ABCC5: variants seen among roughly 807,000 people sequenced by gnomAD.
The protein encoded by ABCC5 is ATP-binding cassette sub-family C member 5.
Under a neutral mutation model 160.9 loss-of-function variants are expected in ABCC5, and 61 were observed. The ratio of observed to expected loss-of-function variants is 0.38; its 90% CI spans 0.31 to 0.47. The LOEUF (loss-of-function observed/expected upper bound fraction) is 0.47, where lower values mean the gene tolerates loss of function less well. ABCC5 is among the 20% of genes least tolerant of loss of function. The pLI, the probability that ABCC5 is intolerant of heterozygous loss-of-function variation, is 0.99. For synonymous variants in ABCC5, 666 were observed against 700.6 expected (o/e 0.95, Z 0.78); for missense variants, 1,308 against 1,813.3 (o/e 0.72, Z 5.06).
chr3:183,923,507 C>T (rs1712212070), intron 29 of ABCC5, among the ~76,000 whole-genome samples: 1 of 152,100 alleles, frequency 6.6e-6, no homozygotes, highest in Non-Finnish European at 1.5e-5. Context: ...CCTGTACTCC[C>T]AGCTGCTCAG....
In ABCC5 at chr3:183,961,514, A is replaced by C. The variant is rs759107102; in HGVS notation, c.2376T>G (p.Val792=). 6.2e-7 allele frequency: 1 copy of C among 1,614,094 alleles called. No homozygotes were observed. Among genetic ancestry groups the C allele is most frequent in the Non-Finnish European group, 8.5e-7 (1 of 1,179,970 alleles). Reference sequence around the variant, plus strand: ...CGCAAACACCATCAGATCTTACCTCAACTGGCGGTGTCTCTCCCAGCAACA... The same window carrying C: ...CGCAAACACCATCAGATCTTACCTCCACTGGCGGTGTCTCTCCCAGCAACA... ...NNLLLGETPP[V]EINSKKETSG... The change falls in exon 16 of 30, where the codon GTT becomes GTG. Residue 792 remains valine (V), a synonymous_variant. Coordinates refer to ENST00000334444, the MANE Select transcript of ABCC5 (RefSeq NM_005688.4).
Position 183,963,518 on chromosome 3 carries a change from C to A in ABCC5, c.2102G>T (p.Ser701Ile). Residue 701 changes from serine (S) to isoleucine (I), a missense_variant, in exon 15 of 30, where the codon AGT becomes ATT. By Grantham distance (142) the Ser-to-Ile change is moderately radical. This residue lies in a region of ABCC5 where 1,142 missense variants were observed against 1,527.1 expected (regional missense o/e 0.75). Transcript: ENST00000334444. This position sits in a 1 kb window ranked among gnomAD's most constrained non-coding sequence, Gnocchi z 4.6. The part of the protein sequence containing the change: ...QRISLARALY[S>I]DRSIYILDDP... ...GTCCAGGATGTAGATGCTCCTGTCA[C>A]TATACAAGGCCCGGGCAAGGCTGAT... The A allele has an allele frequency of 6.2e-7, 1 of 1,614,236 alleles. No homozygotes were observed.
At chr3:184,005,646 G>T (rs920513677) in intron 2 of ABCC5, among the ~76,000 whole-genome samples, 1 of 137,826 alleles carries the variant, frequency 7.3e-6, no homozygotes, top group Non-Finnish European at 1.6e-5. Flanking sequence ...AACAGGGAGG[G>T]GGGAGGGATA....
At position 183,951,384 on chromosome 3, in the gene ABCC5, G is replaced by A; in HGVS notation, c.2944+57C>T. 6.3e-7 allele frequency: 1 copy of A among 1,593,422 alleles called. No homozygotes were observed. The highest frequency in any genetic ancestry group is 8.5e-7 in the Non-Finnish European group (1 of 1,169,804). ...ATCTGCACATTTGGAGAATCATCTAGAAGGCTGGAAGCACAGTGAGCTCCA... is the reference window on the plus strand; with the variant it reads ...ATCTGCACATTTGGAGAATCATCTAAAAGGCTGGAAGCACAGTGAGCTCCA... On this transcript the variant is annotated intron_variant, in intron 20 of 29. Transcript: ENST00000334444. This position sits in a 1 kb window ranked among gnomAD's most constrained non-coding sequence, Gnocchi z 4.7.
In ABCC5 at chr3:183,944,891, A is replaced by G. The variant is rs78266603; in HGVS notation, c.3504+959T>C. Among the ~76,000 whole-genome samples, 136 of 152,300 alleles carry G rather than the reference A, an allele frequency of 8.9e-4. 1 individual carries two copies. Among genetic ancestry groups the G allele is most frequent in the Middle Eastern group, 3.4e-3 (1 of 294 alleles). ...CCACCCAAATCTCATCTCGAATTGT[A>G]TAATAATCCCCATGTGTGAGGGGAG... On this transcript the variant is annotated intron_variant, in intron 24 of 29. Transcript: ENST00000334444.
In ABCC5 at chr3:183,991,787, G is replaced by A. The variant is rs143451420; in HGVS notation, c.130-2404C>T. Among the ~76,000 whole-genome samples, 561 of 152,268 alleles carry A rather than the reference G, an allele frequency of 3.7e-3. 2 individuals carry two copies. Among genetic ancestry groups the A allele is most frequent in the Middle Eastern group, 0.02 (6 of 294 alleles). ...ACTACGGCACTTGATAATGAGCTGA[G>A]GACTGCTGAGATTTAAGTACATTAC... On this transcript the variant is annotated intron_variant, in intron 2 of 29. Transcript: ENST00000334444.
intron 2 of ABCC5, among the ~76,000 whole-genome samples, chr3:183,998,681 C>A (rs73181521): frequency 6.6e-6 from 1 of 151,574 alleles, no homozygotes. Flanking sequence ...TCAAAAAAAA[C>A]AAAAAAACAA....
rs1430101147 is a variant in ABCC5, at chr3:183,977,745, C to T, written c.1297-121G>A. On this transcript the variant is annotated intron_variant, in intron 9 of 29. Coordinates refer to ENST00000334444, the MANE Select transcript of ABCC5 (RefSeq NM_005688.4). ...GCAACTTCACGGTCAGCTGTTATTACAAGTCAATTACATTTTTTTTTTTTT... is the reference window on the plus strand; with the variant it reads ...GCAACTTCACGGTCAGCTGTTATTATAAGTCAATTACATTTTTTTTTTTTT... 1.2e-5 allele frequency: 8 copies of T among 644,816 alleles called. No homozygotes were observed. The Middle Eastern group carries it at 1.5e-3, about 122-fold the overall frequency. 39.9% of individuals were successfully genotyped at this position (644,816 alleles called of 1,614,324 possible). A position where few individuals can be genotyped will look rare whatever the true frequency, so the allele number is the denominator to read the frequency against.
At chr3:183,986,151 G>A (rs557470219) in intron 5 of ABCC5, 2 of 152,284 alleles carry the variant, frequency 1.3e-5, no homozygotes, top group East Asian at 3.9e-4. Flanking sequence ...AAACCAGCCT[G>A]GTTTTTCAAT....
intron 24 of ABCC5, 91 bp downstream of exon 24, chr3:183,945,759 G>C: frequency 1.0e-6 from 1 of 981,246 alleles, no homozygotes; most frequent in South Asian, 1.3e-5. Context: ...GAGAACACAA[G>C]CCTCCTCCTT....
chr3:184,006,387 G>A (rs1185083369), intron 2 of ABCC5: 1 of 151,084 alleles, frequency 6.6e-6, no homozygotes, highest in African/African-American at 2.4e-5. Context: ...TCAATCAAGA[G>A]AAAAATAATG....
chr3:183,981,966 A>AT (rs1443657651), intron 7 of ABCC5, 92 bp from the exon 8 acceptor site: 3 of 1,429,160 alleles, frequency 2.1e-6, no homozygotes, highest in Admixed American at 2.7e-5. Flanking sequence ...TAAAATGAGC[A>AT]TATAATCCTG....
chr3:183,992,091 A>G (rs1719817543), intron 2 of ABCC5, among the ~76,000 whole-genome samples: 1 of 152,248 alleles, frequency 6.6e-6, no homozygotes, highest in Non-Finnish European at 1.5e-5. Context: ...ACAAATCTCA[A>G]GACTGACATC....
intron 2 of ABCC5, among the ~76,000 whole-genome samples, chr3:184,008,432 C>T (rs1471887766): frequency 6.6e-6 from 1 of 152,182 alleles, no homozygotes; most frequent in Non-Finnish European, 1.5e-5. Flanking sequence ...TGAAGTAACG[C>T]CAGCCTAATG....
intron 26 of ABCC5, among the ~76,000 whole-genome samples, chr3:183,935,730 G>A (rs59698559): frequency 8.6e-4 from 130 of 152,022 alleles, no homozygotes; most frequent in African/African-American, 2.9e-3. Context: ...TCGAACTCCT[G>A]ACCTCAGGTG....
chr3:183,929,333 T>C (rs1322195484), intron 26 of ABCC5, among the ~76,000 whole-genome samples: 1 of 152,142 alleles, frequency 6.6e-6, no homozygotes, highest in African/African-American at 2.4e-5. Flanking sequence ...CTCAGAAAGC[T>C]GAGGCAGGAG....
rs186883295 is a variant in ABCC5, at chr3:183,935,426, C to T, written c.3854+2475G>A. ...GGTACTCCTGACCTCGTGATCCGCC[C>T]GCCTCAGCCTCCCAAAGTGCTGGGA... is the stretch of plus-strand genomic sequence containing the variant. On this transcript the variant is annotated intron_variant, in intron 26 of 29. Coordinates refer to ENST00000334444, the MANE Select transcript of ABCC5 (RefSeq NM_005688.4). Among the ~76,000 whole-genome samples the T allele has an allele frequency of 1.1e-3, 162 of 151,992 alleles. 2 individuals carry two copies. In the East Asian group the frequency reaches 0.024, roughly 23 times the overall value.
At chr3:184,002,365 C>T (rs560479503) in intron 2 of ABCC5, among the ~76,000 whole-genome samples, 4 of 150,198 alleles carry the variant, frequency 2.7e-5, no homozygotes, top group African/African-American at 4.9e-5. Flanking sequence ...CACCACTGCA[C>T]GCCAGCCTGG....
intron 8 of ABCC5, 86 bp from the exon 9 acceptor site, chr3:183,978,737 G>T: frequency 6.8e-7 from 1 of 1,476,428 alleles, no homozygotes; most frequent in Non-Finnish European, 9.1e-7. Context: ...AGACTCTGTA[G>T]GTCTCCAGCC....
Sources: gnomAD v4.1 joint callset for allele counts (sites outside exome capture counted in the v4.1 genomes callset) on GRCh38, gnomAD v4.1.1 for gene constraint, gnomAD v4.1.1 regional missense constraint, Gnocchi (gnomAD v3.1) non-coding constraint, MANE v1.5 for transcripts, NCBI Gene and HGNC (gene_info 2026-07-23, HGNC 2026-07-21) for gene names.